The following RBBP8 variants were observed in gnomAD, a reference collection of about 807,000 sequenced individuals.
RBBP8 encodes the protein RB binding protein 8, endonuclease.
Under a neutral mutation model 108.3 loss-of-function variants are expected in RBBP8, and 88 were observed. The ratio of observed to expected loss-of-function variants is 0.81; its 90% CI spans 0.68 to 0.97. RBBP8 has a LOEUF of 0.97. Among genes scored for constraint, RBBP8 ranks in the 50% least tolerant of loss-of-function variants. RBBP8 has a pLI of 0.00. For missense variants in RBBP8, 1,023 were observed against 1,049.0 expected (o/e 0.98, Z 0.34); for synonymous variants, 332 against 348.2 (o/e 0.95, Z 0.52).
rs1168455023 is a variant in RBBP8, at chr18:22,972,353, CAA to C, written c.362-2779_362-2778del. 2.3e-4 allele frequency among the ~76,000 whole-genome samples: 13 copies of C among 55,894 alleles called. No individual in the cohort carries two copies. The East Asian group carries it at 3.5e-3, about 15-fold the overall frequency. 36.7% of individuals were successfully genotyped at this position (55,894 alleles called of 152,430 possible). A position where few individuals can be genotyped will look rare whatever the true frequency, so the allele number is the denominator to read the frequency against. On this transcript the variant is annotated intron_variant, in intron 5 of 18. Transcript: ENST00000327155. The stretch of plus-strand genomic sequence containing the variant: ...TCGGCGACAGAGCGAGACTCCCTCT[CAA>C]AAAAAAAAAAAAAAAAAAAATCAAA...
chr18:23,001,495 G>A (rs1212280028), intron 14 of RBBP8, 91 bp from the exon 15 acceptor site: 4 of 1,422,606 alleles, frequency 2.8e-6, no homozygotes, highest in Non-Finnish European at 4.0e-6. Flanking sequence ...ACTGCATTCT[G>A]TTATTGTGTG....
chr18:23,002,342 G>T (rs374952537), intron 15 of RBBP8, among the ~76,000 whole-genome samples: 1 of 152,122 alleles, frequency 6.6e-6, no homozygotes, highest in Non-Finnish European at 1.5e-5. Flanking sequence ...CCAGGAGGTC[G>T]TGGCTGCATC....
chr18:23,001,978 A>G (rs1055562954), intron 15 of RBBP8, among the ~76,000 whole-genome samples: 3 of 152,200 alleles, frequency 2.0e-5, no homozygotes, highest in Non-Finnish European at 2.9e-5. Context: ...TAGCTATAAA[A>G]TATTTATTAG....
In RBBP8 at chr18:22,953,734, A is replaced by AT. The variant is rs945153727; in HGVS notation, c.248+4031dup. On this transcript the variant is annotated intron_variant, in intron 4 of 18. Coordinates refer to ENST00000327155, the MANE Select transcript of RBBP8 (RefSeq NM_002894.3). ...TTACTTTCTTTTATGTAGTCTATATATTTTTTTTTTATTTTTATTTTTCCC... is the reference window on the plus strand; with the variant it reads ...TTACTTTCTTTTATGTAGTCTATATATTTTTTTTTTTATTTTTATTTTTCCC... Among the ~76,000 whole-genome samples the AT allele has an allele frequency of 1.0e-4, 15 of 148,254 alleles. No individual in the cohort carries two copies. In the South Asian group the frequency reaches 2.1e-3, roughly 21 times the overall value.
At chr18:22,955,919 C>G (rs772157656) in intron 4 of RBBP8, among the ~76,000 whole-genome samples, 13 of 152,122 alleles carry the variant, frequency 8.5e-5, no homozygotes, top group Non-Finnish European at 1.6e-4. Flanking sequence ...TCCATTTTTA[C>G]TATTTCATGA....
chr18:22,976,102 C>T (rs1393971965), intron 6 of RBBP8, among the ~76,000 whole-genome samples: 1 of 152,058 alleles, frequency 6.6e-6, no homozygotes, highest in Non-Finnish European at 1.5e-5. Flanking sequence ...GTAGATGTAA[C>T]ATTATTTTGG....
intron 4 of RBBP8, among the ~76,000 whole-genome samples, chr18:22,965,731 T>C (rs975619934): frequency 6.7e-6 from 1 of 150,288 alleles, no homozygotes; most frequent in African/African-American, 2.5e-5. Context: ...GTTCGTATAA[T>C]AATTTCTTAA....
Position 22,943,771 on chromosome 18 carries a change from T to TTA in RBBP8, c.110-2661_110-2660dup, listed in dbSNP as rs755678484. ...TGTTTAAAATGACAGTACATACATTTTATATATATATATGGTTTGGTCTGG... is the reference window on the plus strand; with the variant it reads ...TGTTTAAAATGACAGTACATACATTTTATATATATATATATGGTTTGGTCTGG... On this transcript the variant is annotated intron_variant, in intron 2 of 18. Coordinates refer to ENST00000327155, the MANE Select transcript of RBBP8 (RefSeq NM_002894.3). 9.7e-4 allele frequency among the ~76,000 whole-genome samples: 148 copies of TTA among 151,860 alleles called. 1 individual carries two copies. The East Asian group carries it at 0.026, about 27-fold the overall frequency.
chr18:22,971,138 G>A (rs925652973), intron 5 of RBBP8, among the ~76,000 whole-genome samples: 1 of 86,062 alleles, frequency 1.2e-5, no homozygotes, highest in East Asian at 3.3e-4. Context: ...GAGCATGCCA[G>A]GAGAGTCTTT....
chr18:22,970,469 C>A (rs892058262), intron 5 of RBBP8, among the ~76,000 whole-genome samples: 1 of 152,102 alleles, frequency 6.6e-6, no homozygotes, highest in Non-Finnish European at 1.5e-5. Flanking sequence ...GTATAGGTGT[C>A]AATTTTTTAG....
At chr18:23,017,023 G>C (rs2046268111) in intron 17 of RBBP8, 99 bp downstream of exon 17, 1 of 953,930 alleles carries the variant, frequency 1.0e-6, no homozygotes. Flanking sequence ...ATTGGTTATA[G>C]AAACCTCTTA....
intron 16 of RBBP8, among the ~76,000 whole-genome samples, chr18:23,009,379 G>A (rs953969748): frequency 1.0e-4 from 15 of 146,560 alleles, no homozygotes; most frequent in African/African-American, 3.5e-4. Flanking sequence ...AAATCACTGC[G>A]TTTTTTTTTT....
intron 4 of RBBP8, 62 bp downstream of exon 4, chr18:22,949,775 A>G: frequency 8.0e-7 from 1 of 1,245,030 alleles, no homozygotes; most frequent in Non-Finnish European, 1.2e-6. Flanking sequence ...AAGTACATTG[A>G]CTTTCATTTG....
chr18:22,967,969 A>G (rs375854329), intron 4 of RBBP8, among the ~76,000 whole-genome samples: 6 of 151,814 alleles, frequency 4.0e-5, no homozygotes, highest in South Asian at 2.1e-4. Flanking sequence ...TATGTAATAC[A>G]TTGTGAATTT....
intron 2 of RBBP8, among the ~76,000 whole-genome samples, chr18:22,940,729 C>T (rs1017390371): frequency 3.3e-5 from 5 of 152,028 alleles, no homozygotes; most frequent in Non-Finnish European, 7.4e-5. Flanking sequence ...TCGCCGTAGC[C>T]TCAAATTCCA....
rs17852769 is a variant in RBBP8, at chr18:22,997,706, G to A, written c.2115G>A (p.Lys705=). The A allele has an allele frequency of 0.13, 201,793 of 1,601,680 alleles. 15,406 individuals carry two copies. The highest frequency in any genetic ancestry group is 0.34 in the African/African-American group (25,443 of 74,332). ...VSETVLLKMK[K]QEQKGEKSSN... ...AAACCGTTCTCTTAAAAATGAAGAAGCAAGAGCAGAAGGGAGAAAAAAGTT... is the reference window on the plus strand; with the variant it reads ...AAACCGTTCTCTTAAAAATGAAGAAACAAGAGCAGAAGGGAGAAAAAAGTT... Residue 705 remains lysine, a synonymous_variant, in exon 14 of 19, where the codon AAG becomes AAA. Coordinates refer to ENST00000327155, the MANE Select transcript of RBBP8 (RefSeq NM_002894.3).
intron 4 of RBBP8, among the ~76,000 whole-genome samples, chr18:22,959,764 T>C (rs1912911646): frequency 6.6e-6 from 1 of 151,874 alleles, no homozygotes; most frequent in Admixed American, 6.6e-5. Flanking sequence ...ATACTCTTGT[T>C]TTATGGCTGT....
intron 16 of RBBP8, among the ~76,000 whole-genome samples, chr18:23,015,986 T>A (rs1197942715): frequency 6.6e-6 from 1 of 152,184 alleles, no homozygotes; most frequent in Non-Finnish European, 1.5e-5. Flanking sequence ...CTCAGCTCGC[T>A]GCAACATTTG....
intron 8 of RBBP8, among the ~76,000 whole-genome samples, chr18:22,987,373 C>G (rs1410813735): frequency 1.3e-5 from 2 of 152,170 alleles, no homozygotes; most frequent in African/African-American, 4.8e-5. Context: ...TACACTGGAA[C>G]TGATTCTGAC....
Sources: gnomAD v4.1 joint callset for allele counts (sites outside exome capture counted in the v4.1 genomes callset) on GRCh38, gnomAD v4.1.1 for gene constraint, MANE v1.5 for transcripts, NCBI Gene and HGNC (gene_info 2026-07-23, HGNC 2026-07-21) for gene names.